Variants in ASTN2 observed in about 807,000 individuals in gnomAD.
ASTN2 encodes astrotactin 2.
In ASTN2, 54 loss-of-function variants were observed where a neutral mutation model predicts 139.8. The ratio of observed to expected loss-of-function variants is 0.39; its 90% CI spans 0.31 to 0.48. ASTN2 has a LOEUF of 0.48. Among genes scored for constraint, ASTN2 ranks in the 20% least tolerant of loss-of-function variants. The pLI, the probability that ASTN2 is intolerant of heterozygous loss-of-function variation, is 0.95. For missense variants in ASTN2, 1,565 were observed against 1,725.1 expected (o/e 0.91, Z 1.64); for synonymous variants, 756 against 719.5 (o/e 1.05, Z -0.81).
intron 1 of ASTN2, among the ~76,000 whole-genome samples, chr9:117,394,400 C>T (rs1394025835): frequency 6.6e-6 from 1 of 152,104 alleles, no homozygotes; most frequent in East Asian, 1.9e-4. Context: ...TTCATATGCT[C>T]AATAGCCACA....
intron 3 of ASTN2, among the ~76,000 whole-genome samples, chr9:117,170,002 T>C (rs1830754550): frequency 6.6e-6 from 1 of 152,226 alleles, no homozygotes; most frequent in East Asian, 1.9e-4. Context: ...TTCCAGCACA[T>C]CCTACCTCTG....
At chr9:117,406,819 AACTTATTT>A (rs1186348259) in intron 1 of ASTN2, among the ~76,000 whole-genome samples, 5 of 151,182 alleles carry the variant, frequency 3.3e-5, no homozygotes, top group African/African-American at 4.9e-5. Flanking sequence ...CATACTACAT[AACTTATTT>A]ACTTATTATG....
At chr9:117,148,764 T>G (rs2132874530) in intron 3 of ASTN2, among the ~76,000 whole-genome samples, 1 of 152,250 alleles carries the variant, frequency 6.6e-6, no homozygotes, top group Non-Finnish European at 1.5e-5. Flanking sequence ...ACATAAACAT[T>G]TGAATCAATA....
chr9:116,836,987 A>G (rs1484886883), intron 11 of ASTN2, among the ~76,000 whole-genome samples: 1 of 152,154 alleles, frequency 6.6e-6, no homozygotes, highest in Non-Finnish European at 1.5e-5. Flanking sequence ...AAAAAGTTGA[A>G]GACCCGTGAC....
chr9:117,280,869 C>A (rs545000502), intron 2 of ASTN2, among the ~76,000 whole-genome samples: 2 of 152,202 alleles, frequency 1.3e-5, no homozygotes, highest in East Asian at 3.9e-4. Context: ...TATATCTTCT[C>A]AAAATTTCAC....
Position 117,039,934 on chromosome 9 carries a change from G to C in ASTN2, c.1308C>G (p.Ala436=). Residue 436 remains alanine (A), a synonymous_variant, in exon 6 of 23, where the codon GCC becomes GCG. Transcript: ENST00000313400. ...GLLKSPVNKT[A]LTLIAVSSCI... ...AGGAACTCACAGCAATCAGTGTCAG[G>C]GCTGTCTTGTTCACTGGGCTTTTCA... The C allele has an allele frequency of 6.2e-7, 1 of 1,613,474 alleles. No homozygotes were observed.
intron 1 of ASTN2, among the ~76,000 whole-genome samples, chr9:117,292,495 CA>C (rs2130785226): frequency 6.6e-6 from 1 of 152,186 alleles, no homozygotes; most frequent in South Asian, 2.1e-4. Context: ...TGCATGAATA[CA>C]AGAGAAGGGT....
At chr9:117,142,141 A>G (rs1242175197) in intron 3 of ASTN2, among the ~76,000 whole-genome samples, 1 of 152,214 alleles carries the variant, frequency 6.6e-6, no homozygotes, top group African/African-American at 2.4e-5. Flanking sequence ...CTTATGGGAG[A>G]TGAGATTGGA....
intron 7 of ASTN2, among the ~76,000 whole-genome samples, chr9:116,992,878 A>G (rs1469121790): frequency 1.3e-5 from 2 of 152,172 alleles, no homozygotes; most frequent in East Asian, 1.9e-4. Flanking sequence ...AAATAATAGC[A>G]ATGAATGAAA....
chr9:116,957,503 C>T (rs1835746504), intron 10 of ASTN2, among the ~76,000 whole-genome samples: 1 of 152,166 alleles, frequency 6.6e-6, no homozygotes, highest in African/African-American at 2.4e-5. Flanking sequence ...AGTCCCAGCC[C>T]ATGTGTTGCA....
At chr9:116,568,168 T>C (rs1853329907) in intron 19 of ASTN2, among the ~76,000 whole-genome samples, 1 of 152,144 alleles carries the variant, frequency 6.6e-6, no homozygotes, top group African/African-American at 2.4e-5. Context: ...TTTCTCCTTC[T>C]CACCAGGATA....
chr9:117,311,439 A>G (rs1046426188), intron 1 of ASTN2, among the ~76,000 whole-genome samples: 5 of 152,064 alleles, frequency 3.3e-5, no homozygotes, highest in African/African-American at 1.2e-4. Context: ...GTGAAAGCTC[A>G]TGAGATTGCC....
intron 6 of ASTN2, among the ~76,000 whole-genome samples, chr9:117,026,833 A>G (rs1014125742): frequency 6.6e-6 from 1 of 152,148 alleles, no homozygotes; most frequent in Non-Finnish European, 1.5e-5. Flanking sequence ...TTGTTTTCCA[A>G]GTATGGAATA....
intron 12 of ASTN2, among the ~76,000 whole-genome samples, chr9:116,818,176 A>G (rs1217877633): frequency 6.6e-6 from 1 of 152,256 alleles, no homozygotes; most frequent in Non-Finnish European, 1.5e-5. Flanking sequence ...GAAAGTCATT[A>G]GTAAATGTTA....
chr9:117,259,231 G>A (rs1247617140), intron 2 of ASTN2, among the ~76,000 whole-genome samples: 1 of 152,154 alleles, frequency 6.6e-6, no homozygotes, highest in Non-Finnish European at 1.5e-5. Context: ...ACTGAAGCAT[G>A]AATGGTTGGA....
intron 16 of ASTN2, among the ~76,000 whole-genome samples, chr9:116,690,013 A>G (rs1364053802): frequency 6.6e-6 from 1 of 152,164 alleles, no homozygotes; most frequent in Non-Finnish European, 1.5e-5. Context: ...AGGACTAGCT[A>G]CAGGGTTGCT....
intron 3 of ASTN2, among the ~76,000 whole-genome samples, chr9:117,165,953 A>G (rs1830661073): frequency 6.6e-6 from 1 of 152,136 alleles, no homozygotes; most frequent in African/African-American, 2.4e-5. Context: ...TCTGCACCTG[A>G]AGCAACCCAT....
intron 20 of ASTN2, among the ~76,000 whole-genome samples, chr9:116,464,501 C>A (rs1848592359): frequency 6.6e-6 from 1 of 152,062 alleles, no homozygotes; most frequent in Non-Finnish European, 1.5e-5. Context: ...AGTGACTGGC[C>A]CACAGCATTC....
At chr9:116,603,711 A>G (rs1313001742) in intron 19 of ASTN2, among the ~76,000 whole-genome samples, 1 of 152,226 alleles carries the variant, frequency 6.6e-6, no homozygotes, top group Non-Finnish European at 1.5e-5. Context: ...CTCTGGATGA[A>G]AGGTAGGTAC....
Sources: gnomAD v4.1 joint callset for allele counts (sites outside exome capture counted in the v4.1 genomes callset) on GRCh38, gnomAD v4.1.1 for gene constraint, MANE v1.5 for transcripts, NCBI Gene and HGNC (gene_info 2026-07-23, HGNC 2026-07-21) for gene names.